The following SEC24A variants were observed in gnomAD, a reference collection of about 807,000 sequenced individuals.
SEC24A encodes protein transport protein Sec24A.
A neutral mutation model predicts 129.4 loss-of-function variants in SEC24A; 93 were observed. That is an observed-to-expected ratio of 0.72 (90% CI 0.61 to 0.85). The LOEUF is 0.85. SEC24A is among the 40% of genes least tolerant of loss of function. The probability of loss-of-function intolerance (pLI) is 0.00; values close to 1 mark genes in which losing one functional copy is unlikely to be tolerated. For synonymous variants in SEC24A, 460 were observed against 467.3 expected (o/e 0.98, Z 0.20); for missense variants, 1,264 against 1,307.4 (o/e 0.97, Z 0.51).
At position 134,675,372 on chromosome 5, in the gene SEC24A, G is replaced by T. The variant is rs79263174; in HGVS notation, c.1151+155G>T. On this transcript the variant is annotated intron_variant, in intron 6 of 22. Coordinates refer to ENST00000398844, the MANE Select transcript of SEC24A (RefSeq NM_021982.3). The stretch of plus-strand genomic sequence containing the variant: ...CTCTTTTACTTGTTTACTTAATAGA[G>T]ATTTGAAAAGTCCTACGTCAAGAAA... Among the ~76,000 whole-genome samples the T allele has an allele frequency of 5.4e-3, 827 of 152,248 alleles. 3 individuals are homozygous for T. The highest frequency in any genetic ancestry group is 0.041 in the Middle Eastern group (12 of 294).
At chr5:134,714,927 T>G in intron 18 of SEC24A, 97 bp from the exon 19 acceptor site, 1 of 1,253,372 alleles carries the variant, frequency 8.0e-7, no homozygotes, top group Non-Finnish European at 1.1e-6. Flanking sequence ...TTGTGAATTC[T>G]CTCTGAAAAT....
chr5:134,676,434 G>C (rs1962667), intron 7 of SEC24A, among the ~76,000 whole-genome samples: 1 of 140,800 alleles, frequency 7.1e-6, no homozygotes, highest in African/African-American at 2.6e-5. Flanking sequence ...CTCTGCGCCC[G>C]GCTCTTTTTT....
chr5:134,664,759 T>G (rs1382326876), intron 2 of SEC24A, among the ~76,000 whole-genome samples: 1 of 151,786 alleles, frequency 6.6e-6, no homozygotes, highest in African/African-American at 2.4e-5. Flanking sequence ...TGTTAGCAGT[T>G]GTAAGATTCA....
intron 7 of SEC24A, among the ~76,000 whole-genome samples, chr5:134,677,401 TC>T (rs1751102535): frequency 6.6e-6 from 1 of 151,846 alleles, no homozygotes; most frequent in South Asian, 2.1e-4. Context: ...TTGCTGACTT[TC>T]CCAAAACACA....
At chr5:134,648,781 A>G (rs559379688), upstream of SEC24A, 2 of 243,052 alleles carry the variant, frequency 8.2e-6, no homozygotes, top group South Asian at 2.3e-4. Context: ...GGCGGCTGAC[A>G]GGCACTTCCG....
intron 17 of SEC24A, among the ~76,000 whole-genome samples, chr5:134,707,338 T>TA (rs1363992256): frequency 1.3e-5 from 2 of 151,744 alleles, no homozygotes; most frequent in Admixed American, 6.6e-5. Context: ...TTTATTTATT[T>TA]TTTTTTTTTG....
In SEC24A at chr5:134,699,301, C is replaced by CTTTTTTTTTTTTTTTTTTT. The variant is rs1208203003; in HGVS notation, c.2266+1257_2266+1258insTTTTTTTTTTTTTTTTTTT. Among the ~76,000 whole-genome samples the CTTTTTTTTTTTTTTTTTTT allele has an allele frequency of 1.9e-4, 26 of 138,422 alleles. 1 individual carries two copies. Among genetic ancestry groups the CTTTTTTTTTTTTTTTTTTT allele is most frequent in the African/African-American group, 6.6e-4 (24 of 36,260 alleles). 90.8% of individuals were successfully genotyped at this position (138,422 alleles called of 152,430 possible). A position where few individuals can be genotyped will look rare whatever the true frequency, so the allele number is the denominator to read the frequency against. On this transcript the variant is annotated intron_variant, in intron 15 of 22. Coordinates refer to ENST00000398844, the MANE Select transcript of SEC24A (RefSeq NM_021982.3). ...ATAACATAAGCTTTACCATTTTATC[C>CTTTTTTTTTTTTTTTTTTT]TTTTTTTTTTTTTGAGACGGACTGT...
intron 21 of SEC24A, among the ~76,000 whole-genome samples, chr5:134,722,016 G>A (rs1752641006): frequency 1.3e-5 from 2 of 152,186 alleles, no homozygotes. Context: ...AATAATAACT[G>A]AACGAATCAA....
intron 20 of SEC24A, among the ~76,000 whole-genome samples, chr5:134,719,657 C>T (rs1752576730): frequency 6.6e-6 from 1 of 151,982 alleles, no homozygotes; most frequent in Admixed American, 6.6e-5. Flanking sequence ...CACTGCACTC[C>T]AGCCTGGGCA....
At chr5:134,714,862 T>G (rs777893326) in intron 18 of SEC24A, among the ~76,000 whole-genome samples, 162 bp from the exon 19 acceptor site, 4 of 152,234 alleles carry the variant, frequency 2.6e-5, no homozygotes, top group Non-Finnish European at 5.9e-5. Context: ...AGCTACAGTT[T>G]AATAGATGTG....
chr5:134,659,569 G>T (rs1750376279), intron 1 of SEC24A, among the ~76,000 whole-genome samples: 1 of 151,566 alleles, frequency 6.6e-6, no homozygotes, highest in African/African-American at 2.4e-5. Context: ...CTCACAATAG[G>T]TCTATGATGG....
At position 134,658,200 on chromosome 5, in the gene SEC24A, G is replaced by A. The variant is rs551920351; in HGVS notation, c.98-2919G>A. Reference sequence around the variant, plus strand: ...GCAGGAGAATCGCCTGAACCCAGGAGGCGGAGGTTGCAGTGAGCCGAGATC... The same window carrying A: ...GCAGGAGAATCGCCTGAACCCAGGAAGCGGAGGTTGCAGTGAGCCGAGATC... On this transcript the variant is annotated intron_variant, in intron 1 of 22. Coordinates refer to ENST00000398844, the MANE Select transcript of SEC24A (RefSeq NM_021982.3). Among the ~76,000 whole-genome samples, 6 of 152,274 alleles carry A rather than the reference G, an allele frequency of 3.9e-5. No individual in the cohort carries two copies. In the South Asian group the frequency reaches 1.0e-3, roughly 26 times the overall value.
chr5:134,649,427 G>A (rs1021074183), intron 1 of SEC24A, among the ~76,000 whole-genome samples: 1 of 152,164 alleles, frequency 6.6e-6, no homozygotes, highest in Non-Finnish European at 1.5e-5. Flanking sequence ...CGCCCTGGGT[G>A]AAACACGGGT....
intron 1 of SEC24A, among the ~76,000 whole-genome samples, chr5:134,652,961 A>G (rs944897537): frequency 6.7e-6 from 1 of 150,168 alleles, no homozygotes; most frequent in Non-Finnish European, 1.5e-5. Flanking sequence ...CACCCGGCTA[A>G]TTTTTTGTAT....
intron 11 of SEC24A, among the ~76,000 whole-genome samples, chr5:134,689,068 T>C (rs1047667254): frequency 2.6e-5 from 4 of 152,184 alleles, no homozygotes; most frequent in Non-Finnish European, 4.4e-5. Context: ...ATACTGCCTA[T>C]GTAAGAGAAT....
At chr5:134,696,539 C>A (rs1751829843) in intron 13 of SEC24A, among the ~76,000 whole-genome samples, 1 of 152,032 alleles carries the variant, frequency 6.6e-6, no homozygotes, top group Non-Finnish European at 1.5e-5. Flanking sequence ...CGCTCTGTTG[C>A]CCAGGCTGGA....
intron 3 of SEC24A, among the ~76,000 whole-genome samples, chr5:134,669,147 T>A (rs1338463189): frequency 6.6e-6 from 1 of 151,836 alleles, no homozygotes; most frequent in Admixed American, 6.6e-5. Context: ...CAAGTTACAT[T>A]AAATATTTAA....
At chr5:134,670,900 A>G (rs966376064) in intron 3 of SEC24A, among the ~76,000 whole-genome samples, 3 of 151,874 alleles carry the variant, frequency 2.0e-5, no homozygotes, top group African/African-American at 7.2e-5. Flanking sequence ...GAGGCAGGAG[A>G]ATCCCTTGAA....
In SEC24A at chr5:134,666,957, G is replaced by A. The variant is rs1750683766; in HGVS notation, c.700G>A (p.Val234Ile). The change falls in exon 3 of 23, where the codon GTA becomes ATA. Residue 234 changes from valine (V) to isoleucine (I), a missense_variant. By Grantham distance (29) the Val-to-Ile change is conservative. Coordinates refer to ENST00000398844, the MANE Select transcript of SEC24A (RefSeq NM_021982.3). Reference sequence around the variant, plus strand: ...GCCCCTGACATCATCATATAGAGATGTACCCCAGCCCTTATTTAATTCAGC... The same window carrying A: ...GCCCCTGACATCATCATATAGAGATATACCCCAGCCCTTATTTAATTCAGC... ...LTPLTSSYRD[V>I]PQPLFNSAVN... The A allele has an allele frequency of 1.9e-6, 3 of 1,608,108 alleles. No homozygotes were observed. The highest frequency in any genetic ancestry group is 2.5e-6 in the Non-Finnish European group (3 of 1,178,456).
Sources: gnomAD v4.1 joint callset for allele counts (sites outside exome capture counted in the v4.1 genomes callset) on GRCh38, gnomAD v4.1.1 for gene constraint, MANE v1.5 for transcripts, NCBI Gene and HGNC (gene_info 2026-07-23, HGNC 2026-07-21) for gene names.